Variants in MAP2K5 observed in about 807,000 individuals in gnomAD.
MAP2K5 encodes dual specificity mitogen-activated protein kinase kinase 5.
MAP2K5 carries 49 observed loss-of-function variants against 83.1 expected under a neutral mutation model. The observed-to-expected ratio is 0.59, with a 90% confidence interval of 0.47 to 0.75. The LOEUF (loss-of-function observed/expected upper bound fraction) is 0.75. Ranked by LOEUF, MAP2K5 falls within the 30% of genes least tolerant of loss-of-function variation. The probability of loss-of-function intolerance (pLI) is 0.00; values close to 1 mark genes in which losing one functional copy is unlikely to be tolerated. For synonymous variants in MAP2K5, 202 were observed against 191.8 expected (o/e 1.05, Z -0.44); for missense variants, 457 against 557.5 (o/e 0.82, Z 1.82).
intron 8 of MAP2K5, among the ~76,000 whole-genome samples, chr15:67,613,264 T>G (rs1207320442): frequency 6.6e-6 from 1 of 152,236 alleles, no homozygotes; most frequent in African/African-American, 2.4e-5. Context: ...CTGGCTTTGC[T>G]AAGGTATCTT....
intron 9 of MAP2K5, among the ~76,000 whole-genome samples, chr15:67,643,507 C>G (rs58880046): frequency 0.15 from 22,560 of 152,074 alleles, 2,083 homozygotes; most frequent in African/African-American, 0.26. Context: ...TGTGCAGTGG[C>G]GTGATCTCAG....
At chr15:67,773,002 A>T (rs1345598649) in intron 21 of MAP2K5, among the ~76,000 whole-genome samples, 1 of 152,216 alleles carries the variant, frequency 6.6e-6, no homozygotes, top group East Asian at 1.9e-4. Flanking sequence ...TCACAAACTT[A>T]ATGTAGGTTA....
intron 8 of MAP2K5, among the ~76,000 whole-genome samples, chr15:67,617,982 C>T (rs2086092376): frequency 6.6e-6 from 1 of 152,226 alleles, no homozygotes; most frequent in South Asian, 2.1e-4. Flanking sequence ...GTGTGAGCCA[C>T]TGTGCCCTGC....
intron 16 of MAP2K5, among the ~76,000 whole-genome samples, chr15:67,709,636 T>A (rs549906817): frequency 1.3e-5 from 2 of 152,332 alleles, no homozygotes; most frequent in East Asian, 3.9e-4. Context: ...TTATCTCTTC[T>A]AAAGAATGGC....
At chr15:67,728,009 G>A in intron 17 of MAP2K5, 64 bp downstream of exon 17, 1 of 1,324,196 alleles carries the variant, frequency 7.6e-7, no homozygotes, top group African/African-American at 1.4e-5. Context: ...AAGGTGCAGG[G>A]AGCAATTGTG....
intron 16 of MAP2K5, among the ~76,000 whole-genome samples, chr15:67,721,925 A>G (rs769061737): frequency 1.1e-4 from 17 of 152,200 alleles, no homozygotes; most frequent in Non-Finnish European, 2.4e-4. Context: ...TACATTTATT[A>G]TCCCATCTTT....
intron 8 of MAP2K5, among the ~76,000 whole-genome samples, chr15:67,621,093 G>A (rs188004955): frequency 6.6e-6 from 1 of 152,100 alleles, no homozygotes; most frequent in Non-Finnish European, 1.5e-5. Flanking sequence ...AAATTGAAAG[G>A]AAAAGGGTAG....
chr15:67,770,377 C>T lies in MAP2K5; in HGVS notation c.1196+714C>T, dbSNP rs539369625. On this transcript the variant is annotated intron_variant, in intron 20 of 21. Transcript: ENST00000178640. This position sits in a 1 kb window ranked among gnomAD's most constrained non-coding sequence, Gnocchi z 5.0. ...TTTCACCATCATTCCCCTCTTCCCT[C>T]GTCCTGCAGGACTCATGTGGCCTTG... is the stretch of plus-strand genomic sequence containing the variant. Among the ~76,000 whole-genome samples, 3 of 152,192 alleles carry T rather than the reference C, an allele frequency of 2.0e-5. No individual in the cohort carries two copies. Among genetic ancestry groups the T allele is most frequent in the Non-Finnish European group, 2.9e-5 (2 of 68,036 alleles).
At chr15:67,620,637 A>G (rs2086160163) in intron 8 of MAP2K5, among the ~76,000 whole-genome samples, 1 of 152,222 alleles carries the variant, frequency 6.6e-6, no homozygotes, top group Admixed American at 6.5e-5. Context: ...TGTATAAGAC[A>G]ACGATAGTAA....
At chr15:67,585,312 TG>T (rs1403913929) in intron 4 of MAP2K5, among the ~76,000 whole-genome samples, 1 of 152,214 alleles carries the variant, frequency 6.6e-6, no homozygotes, top group Non-Finnish European at 1.5e-5. Flanking sequence ...TTCCTGGCAC[TG>T]CCTTATCTCT....
intron 19 of MAP2K5, among the ~76,000 whole-genome samples, chr15:67,763,345 T>A (rs1187252425): frequency 6.6e-6 from 1 of 152,172 alleles, no homozygotes; most frequent in Admixed American, 6.5e-5. Context: ...TTTGTACAAA[T>A]CTGCTATGTA....
chr15:67,733,534 A>G (rs1208678753), intron 17 of MAP2K5, among the ~76,000 whole-genome samples: 1 of 152,228 alleles, frequency 6.6e-6, no homozygotes, highest in African/African-American at 2.4e-5. Context: ...TCATCTGGCC[A>G]AATAGAATAA....
At chr15:67,754,617 G>A (rs897343012) in intron 19 of MAP2K5, among the ~76,000 whole-genome samples, 7 of 152,104 alleles carry the variant, frequency 4.6e-5, no homozygotes, top group African/African-American at 1.7e-4. Context: ...TGGATGATGT[G>A]GGAAGCTAAC....
Position 67,760,399 on chromosome 15 carries a change from T to A in MAP2K5, c.1135-9203T>A, listed in dbSNP as rs2141288520. Reference sequence around the variant, plus strand: ...CACTTGAAGTAAAAAAAAGTTTTTTTAAACACACAATTATATAAAATTAGA... The same window carrying A: ...CACTTGAAGTAAAAAAAAGTTTTTTAAAACACACAATTATATAAAATTAGA... On this transcript the variant is annotated intron_variant, in intron 19 of 21. Coordinates refer to ENST00000178640, the MANE Select transcript of MAP2K5 (RefSeq NM_145160.3). This position sits in a 1 kb window ranked among gnomAD's most constrained non-coding sequence, Gnocchi z 4.1. Among the ~76,000 whole-genome samples the A allele has an allele frequency of 6.6e-6, 1 of 152,310 alleles. No individual in the cohort carries two copies. The highest frequency in any genetic ancestry group is 2.4e-5 in the African/African-American group (1 of 41,582).
chr15:67,641,790 A>G (rs1410203126), intron 9 of MAP2K5: 3 of 195,534 alleles, frequency 1.5e-5, no homozygotes, highest in Non-Finnish European at 2.8e-5. Context: ...CTTTCCTTGG[A>G]CTCCAAAAAG....
chr15:67,664,455 T>C, intron 12 of MAP2K5, 142 bp from the exon 13 acceptor site: 1 of 577,644 alleles, frequency 1.7e-6, no homozygotes, highest in South Asian at 2.1e-5. Flanking sequence ...GAGCAGTGAT[T>C]GTACCCCACA....
chr15:67,673,111 G>C (rs570493332), intron 13 of MAP2K5, among the ~76,000 whole-genome samples: 1 of 152,162 alleles, frequency 6.6e-6, no homozygotes, highest in South Asian at 2.1e-4. Flanking sequence ...CTCCAGCTTT[G>C]TTCTTTTGGC....
intron 13 of MAP2K5, among the ~76,000 whole-genome samples, chr15:67,689,291 A>G (rs2141196999): frequency 6.6e-6 from 1 of 152,342 alleles, no homozygotes; most frequent in African/African-American, 2.4e-5. Context: ...TGTTACATAC[A>G]TAAATCATAT....
intron 21 of MAP2K5, among the ~76,000 whole-genome samples, chr15:67,800,659 C>T (rs1480367977): frequency 6.6e-6 from 1 of 152,166 alleles, no homozygotes. Context: ...GTACTCAAAC[C>T]TTATGGGAAC....
Sources: gnomAD v4.1 joint callset for allele counts (sites outside exome capture counted in the v4.1 genomes callset) on GRCh38, gnomAD v4.1.1 for gene constraint, Gnocchi (gnomAD v3.1) non-coding constraint, MANE v1.5 for transcripts, NCBI Gene and HGNC (gene_info 2026-07-23, HGNC 2026-07-21) for gene names.